The following RPS6KC1 variants were observed in gnomAD, a reference collection of about 807,000 sequenced individuals.
RPS6KC1 encodes inactive ribosomal protein S6 kinase delta-1.
Under a neutral mutation model 103.8 loss-of-function variants are expected in RPS6KC1, and 54 were observed. The observed-to-expected ratio is 0.52, with a 90% CI of 0.42 to 0.65. The LOEUF is 0.65. Among genes scored for constraint, RPS6KC1 ranks in the 30% least tolerant of loss-of-function variants. The probability of loss-of-function intolerance (pLI) is 0.00; values close to 1 mark genes in which losing one functional copy is unlikely to be tolerated. For synonymous variants in RPS6KC1, 439 were observed against 438.7 expected, an observed-to-expected ratio of 1.00 and a Z score of -0.01; for missense variants, 1,151 against 1,253.8, an observed-to-expected ratio of 0.92 and a Z score of 1.24.
At chr1:213,623,224 T>G in the RPS6KC1 span, among the ~76,000 whole-genome samples, 1 of 152,190 alleles carries the variant, frequency 6.6e-6, no homozygotes, top group Non-Finnish European at 1.5e-5. Flanking sequence ...GGAATCACTC[T>G]TCGTTTTCAG....
At chr1:213,527,297 C>A in the RPS6KC1 span, among the ~76,000 whole-genome samples, 1 of 152,168 alleles carries the variant, frequency 6.6e-6, no homozygotes, top group East Asian at 1.9e-4. Flanking sequence ...GTTTATAAAT[C>A]ATTTTAAATT....
the RPS6KC1 span, among the ~76,000 whole-genome samples, chr1:213,589,450 G>A: frequency 6.6e-6 from 1 of 152,076 alleles, no homozygotes; most frequent in Non-Finnish European, 1.5e-5. Flanking sequence ...GACCAGTCTG[G>A]CCAACATGGT....
the RPS6KC1 span, among the ~76,000 whole-genome samples, chr1:213,313,058 G>A: frequency 6.6e-6 from 1 of 152,124 alleles, no homozygotes; most frequent in African/African-American, 2.4e-5. Context: ...TATTGAAACC[G>A]GATGGTTATG....
the RPS6KC1 span, among the ~76,000 whole-genome samples, chr1:213,694,912 C>T: frequency 6.6e-6 from 1 of 152,146 alleles, no homozygotes; most frequent in African/African-American, 2.4e-5. Flanking sequence ...TCCTAAGAAG[C>T]TCACAGAGAG....
the RPS6KC1 span, among the ~76,000 whole-genome samples, chr1:213,599,971 T>G: frequency 2.6e-5 from 4 of 152,254 alleles, no homozygotes; most frequent in African/African-American, 9.6e-5. Context: ...GGACCTGTAA[T>G]CCCCATGTGT....
At chr1:213,671,820 A>G in the RPS6KC1 span, among the ~76,000 whole-genome samples, 1 of 152,156 alleles carries the variant, frequency 6.6e-6, no homozygotes, top group Non-Finnish European at 1.5e-5. Flanking sequence ...AAAAACAAAG[A>G]AATGATAACT....
the RPS6KC1 span, among the ~76,000 whole-genome samples, chr1:213,430,748 T>C: frequency 5.9e-5 from 9 of 152,238 alleles, no homozygotes; most frequent in Non-Finnish European, 1.3e-4. Context: ...AAAACCACAA[T>C]GTCAAGCAAC....
the RPS6KC1 span, among the ~76,000 whole-genome samples, chr1:213,381,384 C>T: frequency 6.6e-6 from 1 of 151,952 alleles, no homozygotes; most frequent in Admixed American, 6.6e-5. Context: ...TGGGGCCAAC[C>T]TTATGTTGCA....
At chr1:213,353,125 G>C in the RPS6KC1 span, among the ~76,000 whole-genome samples, 3 of 152,322 alleles carry the variant, frequency 2.0e-5, no homozygotes, top group South Asian at 6.2e-4. Flanking sequence ...ATCTCCACCA[G>C]CTATAATGTC....
chr1:213,414,420 A>G, the RPS6KC1 span, among the ~76,000 whole-genome samples: 26 of 152,208 alleles, frequency 1.7e-4, no homozygotes, highest in African/African-American at 5.5e-4. Flanking sequence ...CCTAAATCCC[A>G]TGAGTGTCCT....
At chr1:213,297,109 A>G in the RPS6KC1 span, among the ~76,000 whole-genome samples, 1 of 152,202 alleles carries the variant, frequency 6.6e-6, no homozygotes, top group East Asian at 1.9e-4. Flanking sequence ...GCAGATGACA[A>G]TGGCGTGCAA....
At position 213,239,911 on chromosome 1, in the gene RPS6KC1, G is replaced by A. The variant is rs549963103; in HGVS notation, c.1226-791G>A. ...GACAAAGGGATTGAGGTGTTTTAATGGTTAAAATAAAAGAAAACTATGGTG... is the reference window on the plus strand; with the variant it reads ...GACAAAGGGATTGAGGTGTTTTAATAGTTAAAATAAAAGAAAACTATGGTG... On this transcript the variant is annotated intron_variant, in intron 10 of 14. Coordinates refer to ENST00000366960, the MANE Select transcript of RPS6KC1 (RefSeq NM_012424.6). Among the ~76,000 whole-genome samples, 31 of 152,104 alleles carry A rather than the reference G, an allele frequency of 2.0e-4. No homozygotes were observed. In the South Asian group the frequency reaches 6.2e-3, roughly 31 times the overall value.
chr1:213,581,029 C>T, the RPS6KC1 span, among the ~76,000 whole-genome samples: 4 of 152,040 alleles, frequency 2.6e-5, no homozygotes, highest in South Asian at 4.1e-4. Flanking sequence ...GGGACCTGAG[C>T]GTATTTTGTA....
chr1:213,493,594 T>A, the RPS6KC1 span, among the ~76,000 whole-genome samples: 1 of 152,042 alleles, frequency 6.6e-6, no homozygotes, highest in Non-Finnish European at 1.5e-5. Flanking sequence ...TCCCTTCCCC[T>A]TGCCTCTGGA....
At chr1:213,248,558 C>T (rs540907174) in intron 12 of RPS6KC1, among the ~76,000 whole-genome samples, 22 of 152,118 alleles carry the variant, frequency 1.4e-4, no homozygotes, top group Middle Eastern at 3.4e-3. Context: ...AAACTTGTAA[C>T]GTGAGTTTAG....
chr1:213,446,121 G>T, the RPS6KC1 span, among the ~76,000 whole-genome samples: 1 of 152,276 alleles, frequency 6.6e-6, no homozygotes, highest in Non-Finnish European at 1.5e-5. Flanking sequence ...TTTGGAGTCT[G>T]GGCTTCAAGG....
At chr1:213,781,218 A>C in the RPS6KC1 span, among the ~76,000 whole-genome samples, 1 of 152,208 alleles carries the variant, frequency 6.6e-6, no homozygotes, top group Non-Finnish European at 1.5e-5. Context: ...GTTTAAACAG[A>C]AAAGATAAAA....
At chr1:213,303,609 G>A in the RPS6KC1 span, among the ~76,000 whole-genome samples, 69 of 152,168 alleles carry the variant, frequency 4.5e-4, no homozygotes, top group Non-Finnish European at 4.3e-4. Context: ...TGACAAAGGC[G>A]CGAGTGTAGG....
At chr1:213,224,873 GTTCA>G (rs2093922059) in intron 8 of RPS6KC1, among the ~76,000 whole-genome samples, 1 of 152,168 alleles carries the variant, frequency 6.6e-6, no homozygotes, top group Non-Finnish European at 1.5e-5. Context: ...CCATAGCACT[GTTCA>G]TTAAGAAATG....
Sources: allele counts gnomAD v4.1 joint callset (sites outside exome capture counted in the v4.1 genomes callset), GRCh38; gene constraint gnomAD v4.1.1; transcripts MANE v1.5; gene names NCBI Gene and HGNC (gene_info 2026-07-23, HGNC 2026-07-21).